Variants in LHFPL3 observed in about 807,000 individuals in gnomAD.
LHFPL3 encodes LHFPL tetraspan subfamily member 3, also known as LHFPL tetraspan subfamily member 3 protein.
A neutral mutation model predicts 19.3 loss-of-function variants in LHFPL3; 5 were observed. That is an observed-to-expected ratio of 0.26 (90% CI 0.14 to 0.54). The LOEUF is 0.54. Ranked by LOEUF, LHFPL3 falls within the 20% of genes least tolerant of loss-of-function variation. LHFPL3 has a pLI of 0.94. For missense variants in LHFPL3, 249 were observed against 307.4 expected (o/e 0.81, Z 1.42); for synonymous variants, 133 against 126.2 (o/e 1.05, Z -0.36).
chr7:104,342,212 A>G (rs1236052883), intron 1 of LHFPL3, among the ~76,000 whole-genome samples: 1 of 151,034 alleles, frequency 6.6e-6, no homozygotes, highest in Admixed American at 6.6e-5. Flanking sequence ...GGAATTCAGA[A>G]CTCTAAGGTT....
chr7:104,881,007 G>A (rs1317723276), intron 2 of LHFPL3, among the ~76,000 whole-genome samples: 3 of 151,870 alleles, frequency 2.0e-5, no homozygotes, highest in Admixed American at 6.6e-5. Context: ...CATCTCTACT[G>A]AAAATACAAA....
chr7:104,447,690 G>C (rs552693932), intron 1 of LHFPL3, among the ~76,000 whole-genome samples: 3 of 152,074 alleles, frequency 2.0e-5, no homozygotes, highest in Admixed American at 1.3e-4. Flanking sequence ...TGACTTCTGT[G>C]TTTCCTAAAG....
chr7:104,885,861 T>A (rs1792137482), intron 2 of LHFPL3, among the ~76,000 whole-genome samples: 1 of 152,114 alleles, frequency 6.6e-6, no homozygotes, highest in African/African-American at 2.4e-5. Context: ...AGTCCTATAT[T>A]GCCCGGTTCA....
At chr7:104,654,908 G>A (rs1290654732) in intron 1 of LHFPL3, among the ~76,000 whole-genome samples, 1 of 152,152 alleles carries the variant, frequency 6.6e-6, no homozygotes, top group Non-Finnish European at 1.5e-5. Context: ...AGAGGTACAT[G>A]TGTTCATACT....
intron 2 of LHFPL3, among the ~76,000 whole-genome samples, chr7:104,779,297 C>G (rs1263115751): frequency 1.3e-5 from 2 of 152,190 alleles, no homozygotes; most frequent in Non-Finnish European, 2.9e-5. Flanking sequence ...CATAATCACT[C>G]TCATCATTGA....
intron 1 of LHFPL3, among the ~76,000 whole-genome samples, chr7:104,442,486 A>C (rs984222324): frequency 6.6e-6 from 1 of 152,236 alleles, no homozygotes; most frequent in Non-Finnish European, 1.5e-5. Flanking sequence ...AAAAGTATCC[A>C]AAATCTAGAA....
At chr7:104,870,455 C>A (rs1471633377) in intron 2 of LHFPL3, among the ~76,000 whole-genome samples, 24 of 152,132 alleles carry the variant, frequency 1.6e-4, no homozygotes, top group Non-Finnish European at 4.4e-5. Flanking sequence ...GGCAAGGATT[C>A]CAGGTGAAAA....
At chr7:104,359,279 A>G (rs1310446179) in intron 1 of LHFPL3, among the ~76,000 whole-genome samples, 2 of 152,272 alleles carry the variant, frequency 1.3e-5, no homozygotes, top group Admixed American at 6.5e-5. Flanking sequence ...ATTTACTGGC[A>G]TAAGTGGAAC....
rs78713558 is a variant in LHFPL3 at position 104,780,144 on chromosome 7, C to T, written c.682+43233C>T. 0.02 allele frequency among the ~76,000 whole-genome samples: 2,980 copies of T among 152,286 alleles called. 239 individuals carry two copies. The East Asian group carries it at 0.26, about 13-fold the overall frequency. ...TGTGGTTTTGTCTACAGGCAGAGCT[C>T]CCTCATCCACAAGGATAGGGCCCCA... On this transcript the variant is annotated intron_variant, in intron 2 of 2. Transcript: ENST00000424859.
chr7:104,474,700 A>C (rs1012456754), intron 1 of LHFPL3, among the ~76,000 whole-genome samples: 2 of 151,322 alleles, frequency 1.3e-5, no homozygotes, highest in African/African-American at 4.8e-5. Context: ...AAAAAAAAAA[A>C]AAAAAAAAGA....
intron 1 of LHFPL3, among the ~76,000 whole-genome samples, chr7:104,520,260 C>T (rs10230979): frequency 0.016 from 2,364 of 151,554 alleles, 66 homozygotes; most frequent in African/African-American, 0.054. Context: ...TATTGATTTG[C>T]GTATATTGAA....
chr7:104,604,076 C>G (rs1407001345), intron 1 of LHFPL3, among the ~76,000 whole-genome samples: 2 of 152,220 alleles, frequency 1.3e-5, no homozygotes, highest in African/African-American at 4.8e-5. Flanking sequence ...GCAACTCTGA[C>G]CCTGCAGCAG....
chr7:104,525,279 G>A (rs61309516), intron 1 of LHFPL3, among the ~76,000 whole-genome samples: 2,489 of 152,172 alleles, frequency 0.016, 61 homozygotes, highest in African/African-American at 0.057. Context: ...AACTTATAAC[G>A]TGACATAATG....
intron 1 of LHFPL3, among the ~76,000 whole-genome samples, chr7:104,404,331 A>T (rs1158464215): frequency 2.0e-5 from 3 of 152,214 alleles, no homozygotes; most frequent in African/African-American, 7.2e-5. Flanking sequence ...TTTCATTTTT[A>T]AAATAAAATG....
intron 2 of LHFPL3, among the ~76,000 whole-genome samples, chr7:104,748,756 T>C (rs1255184986): frequency 1.6e-4 from 24 of 152,196 alleles, no homozygotes; most frequent in Admixed American, 1.6e-3. Context: ...ATCCTCCATA[T>C]GCTGAACGCT....
chr7:104,382,594 A>G (rs1341666194), intron 1 of LHFPL3, among the ~76,000 whole-genome samples: 2 of 152,300 alleles, frequency 1.3e-5, no homozygotes, highest in African/African-American at 4.8e-5. Context: ...ATGTGGCCTG[A>G]GCAGGGTTTT....
chr7:104,495,575 G>C (rs9641333), intron 1 of LHFPL3, among the ~76,000 whole-genome samples: 55,582 of 151,910 alleles, frequency 0.37, 11,496 homozygotes, highest in Non-Finnish European at 0.47. Context: ...AGTAGAGATG[G>C]GGTTTCACCA....
At chr7:104,460,523 C>CTTTTTAATTA (rs1339580963) in intron 1 of LHFPL3, among the ~76,000 whole-genome samples, 2 of 152,108 alleles carry the variant, frequency 1.3e-5, no homozygotes, top group Admixed American at 1.3e-4. Context: ...TTATTTTTGA[C>CTTTTTAATTA]TTTTTAATTA....
chr7:104,506,432 G>A (rs1793699811), intron 1 of LHFPL3, among the ~76,000 whole-genome samples: 1 of 152,102 alleles, frequency 6.6e-6, no homozygotes, highest in Admixed American at 6.5e-5. Flanking sequence ...TGCATATCAT[G>A]TTCTCTGCCA....
Sources: gnomAD v4.1 joint callset for allele counts (sites outside exome capture counted in the v4.1 genomes callset) on GRCh38, gnomAD v4.1.1 for gene constraint, MANE v1.5 for transcripts, NCBI Gene and HGNC (gene_info 2026-07-23, HGNC 2026-07-21) for gene names.